AP3S1: variants seen among roughly 807,000 people sequenced by gnomAD.
AP3S1 encodes adaptor related protein complex 3 subunit sigma 1, also known as AP-3 complex subunit sigma-1.
Under a neutral mutation model 21.3 loss-of-function variants are expected in AP3S1, and 12 were observed. The observed-to-expected ratio is 0.56, with a 90% CI of 0.36 to 0.91. The LOEUF is 0.91. Among genes scored for constraint, AP3S1 ranks in the 40% least tolerant of loss-of-function variants. The pLI, the probability that AP3S1 is intolerant of heterozygous loss-of-function variation, is 0.01. For missense variants in AP3S1, 116 were observed against 225.0 expected (o/e 0.52, Z 3.10); for synonymous variants, 48 against 78.4 (o/e 0.61, Z 2.05).
At chr5:115,847,437 G>A (rs1028396256) in intron 1 of AP3S1, among the ~76,000 whole-genome samples, 1 of 152,140 alleles carries the variant, frequency 6.6e-6, no homozygotes, top group African/African-American at 2.4e-5. Context: ...GGGCAACGTG[G>A]CAAAACCCTG....
chr5:115,889,417 G>A (rs1340949810), intron 3 of AP3S1, among the ~76,000 whole-genome samples: 1 of 152,124 alleles, frequency 6.6e-6, no homozygotes, highest in Non-Finnish European at 1.5e-5. Context: ...AGATAAATTT[G>A]GTCCAAACAT....
intron 5 of AP3S1, among the ~76,000 whole-genome samples, chr5:115,909,774 T>TC (rs1274412097): frequency 1.3e-5 from 2 of 152,138 alleles, no homozygotes; most frequent in African/African-American, 4.8e-5. Context: ...TTTACAGTAA[T>TC]CCCCCCTTAC....
intron 3 of AP3S1, among the ~76,000 whole-genome samples, chr5:115,871,054 C>A (rs1748191609): frequency 6.6e-6 from 1 of 152,168 alleles, no homozygotes. Context: ...GAACTGGAAT[C>A]TTTTATAATG....
chr5:115,891,974 C>G (rs538810180), intron 3 of AP3S1, among the ~76,000 whole-genome samples: 1 of 152,208 alleles, frequency 6.6e-6, no homozygotes, highest in East Asian at 1.9e-4. Flanking sequence ...TTCATGCACC[C>G]TAATAATTTA....
At position 115,843,004 on chromosome 5, in the gene AP3S1, C is replaced by CT. The variant is rs555193550; in HGVS notation, c.69+899dup. Among the ~76,000 whole-genome samples, 306 of 152,162 alleles carry CT rather than the reference C, an allele frequency of 2.0e-3. 2 individuals are homozygous for CT. Among genetic ancestry groups the CT allele is most frequent in the African/African-American group, 7.1e-3 (294 of 41,484 alleles). On this transcript the variant is annotated intron_variant, in intron 1 of 5. Coordinates refer to ENST00000316788, the MANE Select transcript of AP3S1 (RefSeq NM_001284.4). ...GAACTTCTCTTTTAACGTGTAAATA[C>CT]TGTTTAGTATGGACAAGTGCAGGAG...
intron 5 of AP3S1, among the ~76,000 whole-genome samples, chr5:115,913,115 T>C (rs1416427414): frequency 1.3e-5 from 2 of 152,180 alleles, no homozygotes; most frequent in African/African-American, 4.8e-5. Flanking sequence ...GTAGTGCACA[T>C]TAATTTGTAT....
At chr5:115,878,624 G>T (rs563196225) in intron 3 of AP3S1, among the ~76,000 whole-genome samples, 34 of 152,284 alleles carry the variant, frequency 2.2e-4, no homozygotes, top group African/African-American at 6.7e-4. Flanking sequence ...TTGAAGTCAG[G>T]TATTGTGATG....
intron 4 of AP3S1, among the ~76,000 whole-genome samples, chr5:115,900,503 C>T (rs1225491468): frequency 6.6e-6 from 1 of 152,184 alleles, no homozygotes; most frequent in Non-Finnish European, 1.5e-5. Context: ...CTGTTCCAGA[C>T]ATGTTGTCAA....
intron 1 of AP3S1, among the ~76,000 whole-genome samples, chr5:115,852,659 GT>G (rs1328816992): frequency 1.3e-5 from 2 of 151,940 alleles, no homozygotes; most frequent in African/African-American, 4.8e-5. Flanking sequence ...CCACTAATCT[GT>G]TTTGTTTCCT....
chr5:115,878,740 A>T (rs1748989544), intron 3 of AP3S1, among the ~76,000 whole-genome samples: 1 of 152,176 alleles, frequency 6.6e-6, no homozygotes, highest in African/African-American at 2.4e-5. Flanking sequence ...GAAGAAAGTC[A>T]ATGGTAGCTT....
intron 3 of AP3S1, among the ~76,000 whole-genome samples, chr5:115,876,892 G>A (rs1042493869): frequency 1.3e-5 from 2 of 152,116 alleles, no homozygotes; most frequent in Non-Finnish European, 2.9e-5. Flanking sequence ...ATGTCCATTT[G>A]TTCCACTACT....
At chr5:115,877,026 T>C (rs1748781723) in intron 3 of AP3S1, among the ~76,000 whole-genome samples, 1 of 152,190 alleles carries the variant, frequency 6.6e-6, no homozygotes, top group Admixed American at 6.6e-5. Flanking sequence ...AAATATACTT[T>C]TTCTAGTCAT....
chr5:115,863,536 A>G (rs900963870), intron 1 of AP3S1, among the ~76,000 whole-genome samples: 4 of 152,178 alleles, frequency 2.6e-5, no homozygotes, highest in Non-Finnish European at 5.9e-5. Context: ...GCACCACTGC[A>G]CTCCAGCCTG....
At chr5:115,904,980 T>A (rs1359376602) in intron 5 of AP3S1, among the ~76,000 whole-genome samples, 2 of 152,186 alleles carry the variant, frequency 1.3e-5, no homozygotes, top group African/African-American at 4.8e-5. Flanking sequence ...AGTTAACTCC[T>A]TTTCATTGGT....
chr5:115,891,620 C>G (rs531485956), intron 3 of AP3S1, among the ~76,000 whole-genome samples: 1 of 152,282 alleles, frequency 6.6e-6, no homozygotes, highest in South Asian at 2.1e-4. Flanking sequence ...AGAACCTCTA[C>G]TAGGGCAGTG....
In AP3S1 at chr5:115,842,026, C is replaced by CTT; in HGVS notation, c.-12_-11insTT. The CTT allele has an allele frequency of 2.5e-6, 4 of 1,581,432 alleles. No individual in the cohort carries two copies. Among genetic ancestry groups the CTT allele is most frequent in the Non-Finnish European group, 3.4e-6 (4 of 1,165,106 alleles). ...TGGCCCCCAGTGCCCACCCGGTCGG[C>CTT]CCGGCACAGCCATGATCAAGGCGAT... On this transcript the variant is annotated 5_prime_UTR_variant, in exon 1 of 6. Transcript: ENST00000316788.
At chr5:115,890,346 AT>A (rs1192659186) in intron 3 of AP3S1, among the ~76,000 whole-genome samples, 3 of 152,332 alleles carry the variant, frequency 2.0e-5, no homozygotes, top group African/African-American at 7.2e-5. Flanking sequence ...GTATTATGTA[AT>A]AACCTGAATA....
chr5:115,900,276 A>AT (rs1242858595), intron 4 of AP3S1, among the ~76,000 whole-genome samples: 1 of 152,208 alleles, frequency 6.6e-6, no homozygotes, highest in African/African-American at 2.4e-5. Flanking sequence ...TAAGTTTTTT[A>AT]GTATCCTATG....
intron 3 of AP3S1, among the ~76,000 whole-genome samples, chr5:115,891,976 A>G (rs1750347456): frequency 6.6e-6 from 1 of 152,166 alleles, no homozygotes; most frequent in African/African-American, 2.4e-5. Flanking sequence ...CATGCACCCT[A>G]ATAATTTAAC....
Sources: gnomAD v4.1 joint callset for allele counts (sites outside exome capture counted in the v4.1 genomes callset) on GRCh38, gnomAD v4.1.1 for gene constraint, MANE v1.5 for transcripts, NCBI Gene and HGNC (gene_info 2026-07-23, HGNC 2026-07-21) for gene names.